The following AUH variants were observed in gnomAD, a reference collection of about 807,000 sequenced individuals.
AUH encodes the protein methylglutaconyl-CoA hydratase, mitochondrial.
Under a neutral mutation model 42.3 loss-of-function variants are expected in AUH, and 29 were observed. That is an observed-to-expected ratio of 0.69 (90% CI 0.51 to 0.93). AUH has a LOEUF of 0.93. Among genes scored for constraint, AUH ranks in the 40% least tolerant of loss-of-function variants. The probability of loss-of-function intolerance (pLI) is 0.00; values close to 1 mark genes in which losing one functional copy is unlikely to be tolerated. For missense variants in AUH, 452 were observed against 438.1 expected, an observed-to-expected ratio of 1.03 and a Z score of -0.28; for synonymous variants, 174 against 166.4, an observed-to-expected ratio of 1.05 and a Z score of -0.35.
At chr9:91,240,403 C>T (rs115885239) in intron 6 of AUH, among the ~76,000 whole-genome samples, 3,212 of 152,210 alleles carry the variant, frequency 0.021, 98 homozygotes, top group African/African-American at 0.073. Context: ...ATGACCAAGA[C>T]GTGAGCACAT....
chr9:91,260,599 C>A (rs1221969634), intron 6 of AUH, among the ~76,000 whole-genome samples: 1 of 152,162 alleles, frequency 6.6e-6, no homozygotes, highest in Non-Finnish European at 1.5e-5. Flanking sequence ...GGTACATATA[C>A]CTCTTAGATG....
At chr9:91,353,845 A>C (rs974570817) in intron 3 of AUH, among the ~76,000 whole-genome samples, 329 of 147,990 alleles carry the variant, frequency 2.2e-3, no homozygotes, top group African/African-American at 7.6e-3. Flanking sequence ...AAAAAAAAAA[A>C]AGACAGACCT....
chr9:91,281,520 T>A (rs924647720), intron 6 of AUH, among the ~76,000 whole-genome samples: 1 of 152,198 alleles, frequency 6.6e-6, no homozygotes, highest in Admixed American at 6.5e-5. Context: ...AAACTCCACA[T>A]CTGTGTAACA....
intron 1 of AUH, among the ~76,000 whole-genome samples, chr9:91,357,242 C>A (rs899610710): frequency 1.3e-5 from 2 of 152,154 alleles, no homozygotes; most frequent in East Asian, 3.8e-4. Flanking sequence ...GTGCTTTAAG[C>A]GAATTAACTC....
chr9:91,214,498 GAAAAC>G, intron 9 of AUH, 73 bp from the exon 10 acceptor site: 3 of 1,277,038 alleles, frequency 2.3e-6, no homozygotes, highest in Non-Finnish European at 3.3e-6. Flanking sequence ...CACTATCTAA[GAAAAC>G]TACTTAGAAC....
At chr9:91,280,936 C>A (rs1339920409) in intron 6 of AUH, among the ~76,000 whole-genome samples, 1 of 152,128 alleles carries the variant, frequency 6.6e-6, no homozygotes, top group Non-Finnish European at 1.5e-5. Context: ...TGTGCATTTT[C>A]CTCTTTCAGG....
intron 7 of AUH, chr9:91,218,672 G>C: frequency 1.0e-6 from 1 of 985,278 alleles, no homozygotes; most frequent in Non-Finnish European, 1.2e-6. Flanking sequence ...GATTTAATTT[G>C]TTTCCTCCTT....
chr9:91,248,161 T>G (rs1828900208), intron 6 of AUH, among the ~76,000 whole-genome samples: 1 of 152,244 alleles, frequency 6.6e-6, no homozygotes, highest in African/African-American at 2.4e-5. Context: ...TTTTACATTT[T>G]AAGTCTGTGA....
intron 6 of AUH, among the ~76,000 whole-genome samples, chr9:91,271,819 T>TA (rs1451869121): frequency 2.0e-5 from 3 of 152,168 alleles, no homozygotes; most frequent in African/African-American, 7.2e-5. Context: ...CAGCTGGTAT[T>TA]ACAGGCGCCC....
chr9:91,327,690 G>A (rs1246777631), intron 3 of AUH, among the ~76,000 whole-genome samples: 1 of 152,212 alleles, frequency 6.6e-6, no homozygotes, highest in Non-Finnish European at 1.5e-5. Flanking sequence ...GATGCCCCTG[G>A]CCGGCTCGCC....
intron 3 of AUH, among the ~76,000 whole-genome samples, chr9:91,330,498 G>A (rs1480398194): frequency 2.0e-5 from 3 of 152,168 alleles, no homozygotes; most frequent in African/African-American, 7.2e-5. Flanking sequence ...TATTGGTGAA[G>A]GTGTAAAGCA....
intron 6 of AUH, among the ~76,000 whole-genome samples, chr9:91,289,088 C>CT (rs1826652753): frequency 6.6e-6 from 1 of 152,138 alleles, no homozygotes. Flanking sequence ...CATTAATTCT[C>CT]TTGTCTTTAT....
intron 6 of AUH, 71 bp downstream of exon 6, chr9:91,295,950 A>G: frequency 6.5e-7 from 1 of 1,541,730 alleles, no homozygotes; most frequent in Non-Finnish European, 9.0e-7. Context: ...TCCAATTAAC[A>G]TGATTTTGCC....
chr9:91,271,482 T>A (rs900172841), intron 6 of AUH, among the ~76,000 whole-genome samples: 7 of 152,272 alleles, frequency 4.6e-5, no homozygotes, highest in African/African-American at 1.7e-4. Flanking sequence ...TAAGACTGCT[T>A]CTGCTTAGTT....
chr9:91,271,367 T>C (rs1163287539), intron 6 of AUH, among the ~76,000 whole-genome samples: 4 of 152,254 alleles, frequency 2.6e-5, no homozygotes, highest in East Asian at 1.9e-4. Flanking sequence ...CAATCAAAGC[T>C]TGACAGCTAC....
chr9:91,347,398 C>T (rs926555770), intron 3 of AUH, among the ~76,000 whole-genome samples: 4 of 152,126 alleles, frequency 2.6e-5, no homozygotes, highest in Non-Finnish European at 4.4e-5. Flanking sequence ...GGTTTCATTA[C>T]CTCCATAGGG....
chr9:91,313,428 G>A (rs541272534), intron 4 of AUH, among the ~76,000 whole-genome samples: 138 of 152,148 alleles, frequency 9.1e-4, no homozygotes, highest in African/African-American at 3.1e-3. Context: ...AAACTTGGCC[G>A]GGCGCGGTGG....
intron 3 of AUH, among the ~76,000 whole-genome samples, chr9:91,329,540 G>A (rs1168707542): frequency 6.6e-6 from 1 of 152,104 alleles, no homozygotes; most frequent in Non-Finnish European, 1.5e-5. Flanking sequence ...CATTCAAACA[G>A]CTGCTCTAGT....
rs567345344 is a variant in AUH at position 91,340,794 on chromosome 9, G to C, written c.418+15089C>G. On this transcript the variant is annotated intron_variant, in intron 3 of 9. Coordinates refer to ENST00000375731, the MANE Select transcript of AUH (RefSeq NM_001698.3). ...CCTGCTCCTCCAGCTGGAACAAACA[G>C]AGAAAACTGGAGTGTGAACCAGAAG... Among the ~76,000 whole-genome samples the C allele has an allele frequency of 2.0e-5, 3 of 152,302 alleles. No individual in the cohort carries two copies. The South Asian group carries it at 6.2e-4, about 32-fold the overall frequency.
Sources: allele counts gnomAD v4.1 joint callset (sites outside exome capture counted in the v4.1 genomes callset), GRCh38; gene constraint gnomAD v4.1.1; transcripts MANE v1.5; gene names NCBI Gene and HGNC (gene_info 2026-07-23, HGNC 2026-07-21).